Variants in ABCC1 observed in about 807,000 individuals in gnomAD.
ABCC1 encodes the protein ATP binding cassette subfamily C member 1 (ABCC1 blood group).
In ABCC1, 83 loss-of-function variants were observed where a neutral mutation model predicts 172.9. The ratio of observed to expected loss-of-function variants is 0.48; its 90% CI spans 0.40 to 0.58. ABCC1 has a LOEUF of 0.58. Ranked by LOEUF, ABCC1 falls within the 20% of genes least tolerant of loss-of-function variation. The pLI is 0.00. For synonymous variants in ABCC1, 937 were observed against 825.2 expected, an observed-to-expected ratio of 1.14 and a Z score of -2.32; for missense variants, 1,817 against 2,002.7, an observed-to-expected ratio of 0.91 and a Z score of 1.77.
chr16:16,014,336 C>T (rs1829760077), intron 3 of ABCC1, among the ~76,000 whole-genome samples, 155 bp from the exon 4 acceptor site: 2 of 152,174 alleles, frequency 1.3e-5, no homozygotes, highest in South Asian at 4.1e-4. Context: ...GTCCCAGCTA[C>T]TTGGGAAGCT....
chr16:16,037,710 A>G (rs975594566), intron 7 of ABCC1, among the ~76,000 whole-genome samples: 2 of 152,172 alleles, frequency 1.3e-5, no homozygotes, highest in African/African-American at 4.8e-5. Context: ...TTGGCCTTAC[A>G]GGGAAAAACC....
chr16:15,982,187 T>C (rs2046637001), intron 1 of ABCC1, among the ~76,000 whole-genome samples: 1 of 152,158 alleles, frequency 6.6e-6, no homozygotes, highest in African/African-American at 2.4e-5. Context: ...TGCCTGATAC[T>C]CAGTTCCAAA....
At chr16:15,967,179 A>T (rs2046262419) in intron 1 of ABCC1, among the ~76,000 whole-genome samples, 1 of 151,976 alleles carries the variant, frequency 6.6e-6, no homozygotes. Flanking sequence ...GGCCATGGGG[A>T]TGGGGTGGAG....
intron 5 of ABCC1, among the ~76,000 whole-genome samples, chr16:16,031,178 C>A (rs1443437495): frequency 6.6e-6 from 1 of 152,180 alleles, no homozygotes; most frequent in African/African-American, 2.4e-5. Flanking sequence ...AAAGCACGCC[C>A]AGCCTTGAAT....
rs1228990976 is a variant in ABCC1 at position 16,027,880 on chromosome 16, A to G, written c.616-5229A>G. On this transcript the variant is annotated intron_variant, in intron 5 of 30. Transcript: ENST00000399410. ...AGAGGCTACTGTCACTGCTTCTATT[A>G]TTATTACTACTACTACTACTCATGT... is the stretch of plus-strand genomic sequence containing the variant. 2.6e-5 allele frequency among the ~76,000 whole-genome samples: 4 copies of G among 152,108 alleles called. No homozygotes were observed. The South Asian group carries it at 6.2e-4, about 24-fold the overall frequency.
chr16:16,124,764 T>G, intron 24 of ABCC1, 25 bp from the exon 25 acceptor site: 1 of 1,613,828 alleles, frequency 6.2e-7, no homozygotes, highest in Non-Finnish European at 8.5e-7. Context: ...CATGCCTGTT[T>G]GTCTGCCTGT....
intron 1 of ABCC1, among the ~76,000 whole-genome samples, chr16:15,969,489 C>T (rs2046320732): frequency 6.6e-6 from 1 of 151,626 alleles, no homozygotes; most frequent in Non-Finnish European, 1.5e-5. Flanking sequence ...TCTCCTGCCT[C>T]AGCCCCCCGA....
chr16:16,115,164 TC>T, intron 23 of ABCC1, 88 bp downstream of exon 23: 1 of 1,371,370 alleles, frequency 7.3e-7, no homozygotes, highest in South Asian at 1.5e-5. Context: ...TCTTACCATG[TC>T]CCCAGTGTGG....
At position 16,052,822 on chromosome 16, in the gene ABCC1, G is replaced by A; in HGVS notation, c.1473+6G>A. On this transcript the variant is annotated splice_donor_region_variant and intron_variant, in intron 11 of 30. Transcript: ENST00000399410. ...TGAAGACCAAGACGTATCAGGTAAG[G>A]CATGTGTCTCTGCGGGCCCCCAAGC... The A allele has an allele frequency of 6.2e-7, 1 of 1,614,106 alleles. No homozygotes were observed.
intron 5 of ABCC1, among the ~76,000 whole-genome samples, chr16:16,017,451 G>A (rs1308983815): frequency 1.3e-5 from 2 of 152,082 alleles, no homozygotes; most frequent in Admixed American, 6.6e-5. Flanking sequence ...GGTACAGGAT[G>A]TGCAAGTTCG....
intron 26 of ABCC1, among the ~76,000 whole-genome samples, chr16:16,128,832 C>A (rs925788641): frequency 9.2e-5 from 14 of 152,072 alleles, no homozygotes; most frequent in African/African-American, 3.4e-4. Context: ...CCCGTCTCTA[C>A]TAAAAATACA....
At chr16:16,047,019 G>A (rs1170548571) in intron 9 of ABCC1, among the ~76,000 whole-genome samples, 1 of 152,072 alleles carries the variant, frequency 6.6e-6, no homozygotes, top group African/African-American at 2.4e-5. Context: ...AATATAGCAA[G>A]ACCCTGGCTC....
At chr16:16,021,704 C>G (rs960230668) in intron 5 of ABCC1, among the ~76,000 whole-genome samples, 3 of 152,122 alleles carry the variant, frequency 2.0e-5, no homozygotes, top group Non-Finnish European at 4.4e-5. Context: ...GAGACCCTGT[C>G]TCAAACAAAC....
In ABCC1 at chr16:16,007,946, A is replaced by G. The variant is rs903368377; in HGVS notation, c.179A>G (p.His60Arg). Residue 60 changes from histidine (H) to arginine (R), a missense_variant, in exon 2 of 31, where the codon CAT becomes CGT. His to Arg is a conservative substitution (Grantham distance 29). Around this residue, in one of 3 missense-constraint regions of ABCC1, gnomAD observed 398 missense variants for 384.2 expected, o/e 1.04. Transcript: ENST00000399410. ...TTCTACTTCCTCTATCTCTCCCGAC[A>G]TGACCGAGGCTACATTCAGATGACA... ...FPFYFLYLSRHDRGYIQMTPL... is the reference protein window; with the variant it reads ...FPFYFLYLSRRDRGYIQMTPL... The G allele has an allele frequency of 6.3e-7, 1 of 1,590,360 alleles. No homozygotes were observed. The highest frequency in any genetic ancestry group is 8.6e-7 in the Non-Finnish European group (1 of 1,167,544).
At chr16:16,108,507 G>A (rs558335026) in intron 21 of ABCC1, among the ~76,000 whole-genome samples, 1 of 150,936 alleles carries the variant, frequency 6.6e-6, no homozygotes, top group Non-Finnish European at 1.5e-5. Context: ...CTGACCTTGT[G>A]ATCTGCCTGC....
chr16:16,141,176 G>A lies in ABCC1; in HGVS notation c.4491G>A (p.Val1497=). ...GTCTGTATCCCCTCTCCCTCAGGGT[G>A]ATCGTCTTGGACAAAGGAGAAATCC... ...RLNTIMDYTR[V]IVLDKGEIQE... The change falls in exon 31 of 31, where the codon GTG becomes GTA. Residue 1497 remains valine, a synonymous_variant. Transcript: ENST00000399410. The A allele has an allele frequency of 6.2e-7, 1 of 1,613,836 alleles. No individual in the cohort carries two copies. The highest frequency in any genetic ancestry group is 8.5e-7 in the Non-Finnish European group (1 of 1,179,832).
At chr16:15,981,521 A>G (rs953090607) in intron 1 of ABCC1, among the ~76,000 whole-genome samples, 7 of 152,152 alleles carry the variant, frequency 4.6e-5, no homozygotes, top group African/African-American at 1.7e-4. Flanking sequence ...GCACCCTCTG[A>G]TGGCACAGCC....
chr16:16,029,029 TAAC>T (rs1436863814), intron 5 of ABCC1, among the ~76,000 whole-genome samples: 2 of 152,076 alleles, frequency 1.3e-5, no homozygotes, highest in Non-Finnish European at 2.9e-5. Context: ...ACTTGGCACT[TAAC>T]AAACTCCTTA....
chr16:16,000,846 T>C (rs1193703613), intron 1 of ABCC1, among the ~76,000 whole-genome samples: 16 of 152,082 alleles, frequency 1.1e-4, no homozygotes, highest in Middle Eastern at 3.2e-3. Flanking sequence ...GCAGGTTGTT[T>C]GGGGAGTGTG....
Sources: allele counts gnomAD v4.1 joint callset (sites outside exome capture counted in the v4.1 genomes callset), GRCh38; gene constraint gnomAD v4.1.1; regional missense constraint gnomAD v4.1.1; transcripts MANE v1.5; gene names NCBI Gene and HGNC (gene_info 2026-07-23, HGNC 2026-07-21).